Variants in CEP162 observed in about 807,000 individuals in gnomAD.
CEP162 encodes the protein centrosomal protein 162, also known as centrosomal protein of 162 kDa.
A neutral mutation model predicts 169.2 loss-of-function variants in CEP162; 141 were observed. The ratio of observed to expected loss-of-function variants is 0.83; its 90% CI spans 0.73 to 0.96. The LOEUF (loss-of-function observed/expected upper bound fraction) is 0.96, where lower values mean the gene tolerates loss of function less well. Ranked by LOEUF, CEP162 falls within the 40% of genes least tolerant of loss-of-function variation. The pLI, the probability that CEP162 is intolerant of heterozygous loss-of-function variation, is 0.00. For missense variants in CEP162, 1,600 were observed against 1,587.2 expected (o/e 1.01, Z -0.14); for synonymous variants, 540 against 526.4 (o/e 1.03, Z -0.35).
Position 84,186,581 on chromosome 6 carries a change from G to A in CEP162, c.1152C>T (p.Ser384=), listed in dbSNP as rs760152802. 1.4e-5 allele frequency: 23 copies of A among 1,606,980 alleles called. No individual in the cohort carries two copies. The Admixed American group carries it at 3.7e-4, about 26-fold the overall frequency. Residue 384 remains serine, a synonymous_variant, in exon 12 of 27, where the codon AGC becomes AGT. Transcript: ENST00000403245. ...VAERKETEFF[S]SLPLKMNPNI... ...TTGGGTTCATCTTCAGGGGTAAAGAGCTAAAAAATTCAGTTTCTTTTCTTT... is the reference window on the plus strand; with the variant it reads ...TTGGGTTCATCTTCAGGGGTAAAGAACTAAAAAATTCAGTTTCTTTTCTTT...
Position 84,186,512 on chromosome 6 carries a change from GTCAAAAAAAAGGT to G in CEP162, c.1208_1220del (p.Asn403ThrfsTer7). On this transcript the variant is annotated frameshift_variant, in exon 12 of 27. Coordinates refer to ENST00000403245, the MANE Select transcript of CEP162 (RefSeq NM_014895.4). LOFTEE classifies it high-confidence loss of function. ...GTAAAATCACATTCTCATCATTTTT[GTCAAAAAAAAGGT>G]TCACATGTTGTGAGTCTTGAGACAA... The G allele has an allele frequency of 6.2e-7, 1 of 1,612,520 alleles. No individual in the cohort carries two copies. The highest frequency in any genetic ancestry group is 8.5e-7 in the Non-Finnish European group (1 of 1,179,176).
At chr6:84,172,070 G>A (rs985924065) in intron 16 of CEP162, among the ~76,000 whole-genome samples, 1 of 152,088 alleles carries the variant, frequency 6.6e-6, no homozygotes, top group South Asian at 2.1e-4. Context: ...GAAAGACCCA[G>A]TGAGACCCTT....
chr6:84,219,420 T>C (rs2099552804), intron 3 of CEP162, among the ~76,000 whole-genome samples: 1 of 152,222 alleles, frequency 6.6e-6, no homozygotes, highest in African/African-American at 2.4e-5. Context: ...AGGTTACATG[T>C]GAGTATTTTT....
At chr6:84,191,579 T>C (rs995728944) in intron 11 of CEP162, among the ~76,000 whole-genome samples, 1 of 152,168 alleles carries the variant, frequency 6.6e-6, no homozygotes, top group African/African-American at 2.4e-5. Context: ...ACCCTGTCTT[T>C]TTAATTATAA....
At chr6:84,130,052 TGA>T (rs2099510644) in intron 25 of CEP162, among the ~76,000 whole-genome samples, 1 of 152,184 alleles carries the variant, frequency 6.6e-6, no homozygotes, top group Non-Finnish European at 1.5e-5. Flanking sequence ...CCTAGTTTGT[TGA>T]GAGTTTTTAG....
intron 18 of CEP162, among the ~76,000 whole-genome samples, chr6:84,168,577 G>A (rs1041787261): frequency 1.3e-5 from 2 of 152,142 alleles, no homozygotes; most frequent in East Asian, 1.9e-4. Context: ...TCCACAGGCC[G>A]TGTTTGGAAA....
In CEP162 at chr6:84,125,078, CT is replaced by C. The variant is rs1400091926; in HGVS notation, c.4203del (p.Glu1402SerfsTer53). 6.2e-7 allele frequency: 1 copy of C among 1,610,844 alleles called. No individual in the cohort carries two copies. Among genetic ancestry groups the C allele is most frequent in the Non-Finnish European group, 8.5e-7 (1 of 1,177,900 alleles). ...PVAFADEMNAPEY is the reference protein window; with the variant it reads ...PVAFADEMNAXEY The stretch of plus-strand genomic sequence containing the variant: ...TGAAATCTGAATTTCTATTAATACT[CT>C]GGTGCATTCATTTCATCTGCAAAAG... On this transcript the variant is annotated frameshift_variant, in exon 27 of 27. Coordinates refer to ENST00000403245, the MANE Select transcript of CEP162 (RefSeq NM_014895.4). LOFTEE classifies it high-confidence loss of function.
rs1047598358 is a variant in CEP162, at chr6:84,222,192, C to T, written c.58-1021G>A. Among the ~76,000 whole-genome samples, 4 of 152,270 alleles carry T rather than the reference C, an allele frequency of 2.6e-5. No homozygotes were observed. The East Asian group carries it at 7.7e-4, about 29-fold the overall frequency. ...GTTCCCAACCAAAACAGCTCTCCTC[C>T]AGGCACCAAAGGCCTCCGAAATGCC... On this transcript the variant is annotated intron_variant, in intron 2 of 26. Transcript: ENST00000403245.
intron 19 of CEP162, among the ~76,000 whole-genome samples, chr6:84,162,741 C>A (rs115161559): frequency 6.6e-5 from 10 of 152,114 alleles, no homozygotes; most frequent in Non-Finnish European, 1.0e-4. Flanking sequence ...GTAGTAGGGA[C>A]CATGCCACAT....
At chr6:84,157,235 T>C (rs1049877776) in intron 21 of CEP162, among the ~76,000 whole-genome samples, 9 of 152,252 alleles carry the variant, frequency 5.9e-5, no homozygotes, top group African/African-American at 1.9e-4. Context: ...ATTTATAGCA[T>C]GTCTCCAGAT....
intron 13 of CEP162, among the ~76,000 whole-genome samples, chr6:84,184,174 C>CA (rs1181775305): frequency 3.3e-5 from 5 of 152,112 alleles, no homozygotes. Context: ...ATTGCTAAAG[C>CA]AATTCTTCCC....
chr6:84,211,906 A>G (rs1483166109), intron 6 of CEP162, among the ~76,000 whole-genome samples: 1 of 151,958 alleles, frequency 6.6e-6, no homozygotes, highest in African/African-American at 2.4e-5. Flanking sequence ...AAAAAAAAAA[A>G]AGGATAAAAC....
At chr6:84,195,343 T>G (rs1046487358) in intron 9 of CEP162, among the ~76,000 whole-genome samples, 6 of 152,230 alleles carry the variant, frequency 3.9e-5, no homozygotes, top group African/African-American at 1.4e-4. Flanking sequence ...CGACCCCCTC[T>G]GCATAACTAT....
intron 2 of CEP162, among the ~76,000 whole-genome samples, chr6:84,222,287 T>G (rs990046459): frequency 1.3e-5 from 2 of 152,168 alleles, no homozygotes; most frequent in African/African-American, 2.4e-5. Context: ...TGATCAACTC[T>G]TAAACTCTTA....
intron 25 of CEP162, among the ~76,000 whole-genome samples, chr6:84,138,100 AAC>A (rs756243216): frequency 1.2e-4 from 19 of 152,228 alleles, no homozygotes; most frequent in Non-Finnish European, 2.6e-4. Flanking sequence ...AAATGTTAAA[AAC>A]ACATAAGCAA....
At chr6:84,219,613 C>T (rs1473109620) in intron 3 of CEP162, among the ~76,000 whole-genome samples, 1 of 152,134 alleles carries the variant, frequency 6.6e-6, no homozygotes, top group Admixed American at 6.5e-5. Context: ...TTCTTCACTA[C>T]AAAGTTCAGC....
chr6:84,220,420 C>T (rs1424190248), intron 3 of CEP162, among the ~76,000 whole-genome samples: 1 of 151,840 alleles, frequency 6.6e-6, no homozygotes, highest in East Asian at 1.9e-4. Context: ...GAGGCAAGTT[C>T]GAGATCAGCC....
intron 3 of CEP162, 138 bp from the exon 4 acceptor site, chr6:84,216,060 A>T: frequency 9.7e-7 from 1 of 1,029,376 alleles, no homozygotes; most frequent in Non-Finnish European, 1.3e-6. Flanking sequence ...ATAAAAATCC[A>T]TCAGACCTAA....
Position 84,215,820 on chromosome 6 carries a change from C to T in CEP162, c.275G>A (p.Ser92Asn). 1 of 1,590,708 alleles carries T rather than the reference C, an allele frequency of 6.3e-7. No homozygotes were observed. Among genetic ancestry groups the T allele is most frequent in the East Asian group, 2.3e-5 (1 of 44,400 alleles). The change falls in exon 4 of 27, where the codon AGC (serine) becomes AAC (asparagine). Residue 92 changes from serine (S) to asparagine (N), a missense_variant. Transcript: ENST00000403245. Reference sequence around the variant, plus strand: ...AGTACTTAAGAGAGAGGTTCCACTGCTCTTAAGAAATTGAATCTTTTCAGC... The same window carrying T: ...AGTACTTAAGAGAGAGGTTCCACTGTTCTTAAGAAATTGAATCTTTTCAGC... ...ESAEKIQFLKSSGTSLLSTDS... is the reference protein window; with the variant it reads ...ESAEKIQFLKNSGTSLLSTDS...
Sources: allele counts gnomAD v4.1 joint callset (sites outside exome capture counted in the v4.1 genomes callset), GRCh38; gene constraint gnomAD v4.1.1; transcripts MANE v1.5; gene names NCBI Gene and HGNC (gene_info 2026-07-23, HGNC 2026-07-21).